SLC8A3: variants seen among roughly 807,000 people sequenced by gnomAD.
SLC8A3 encodes solute carrier family 8 member A3, also known as sodium/calcium exchanger 3.
Under a neutral mutation model 65.4 loss-of-function variants are expected in SLC8A3, and 37 were observed. That is an observed-to-expected ratio of 0.57 (90% CI 0.44 to 0.74). The LOEUF (loss-of-function observed/expected upper bound fraction) is 0.74, where lower values mean the gene tolerates loss of function less well. SLC8A3 is among the 30% of genes least tolerant of loss of function. The probability of loss-of-function intolerance (pLI) is 0.00; values close to 1 mark genes in which losing one functional copy is unlikely to be tolerated. For synonymous variants in SLC8A3, 461 were observed against 444.5 expected, an observed-to-expected ratio of 1.04 and a Z score of -0.47; for missense variants, 1,112 against 1,172.1, an observed-to-expected ratio of 0.95 and a Z score of 0.75.
intron 3 of SLC8A3, among the ~76,000 whole-genome samples, chr14:70,053,209 T>C (rs1213461875): frequency 6.6e-6 from 1 of 152,232 alleles, no homozygotes; most frequent in Non-Finnish European, 1.5e-5. Context: ...CTTCCTCTAG[T>C]GCTGGTGGCC....
chr14:70,102,161 G>T (rs1276833091), intron 2 of SLC8A3, among the ~76,000 whole-genome samples: 1 of 152,196 alleles, frequency 6.6e-6, no homozygotes, highest in African/African-American at 2.4e-5. Context: ...GTCAAGAAAT[G>T]TTGCAGTTCC....
chr14:70,100,761 C>T (rs528145391), intron 2 of SLC8A3, among the ~76,000 whole-genome samples: 45 of 152,008 alleles, frequency 3.0e-4, no homozygotes, highest in Non-Finnish European at 6.2e-4. Context: ...TAGAAAGAAC[C>T]CAAGAGAATG....
At chr14:70,145,600 C>T (rs1448134377) in intron 2 of SLC8A3, among the ~76,000 whole-genome samples, 2 of 152,186 alleles carry the variant, frequency 1.3e-5, no homozygotes, top group East Asian at 3.8e-4. Context: ...GGGGATTCCC[C>T]TTAGATGATA....
At position 70,168,353 on chromosome 14, in the gene SLC8A3, A is replaced by G. The variant is rs1594797254; in HGVS notation, c.70T>C (p.Phe24Leu). ...GCCTCTGCTCGAAGACCATTCAGGA[A>G]GAGCACAAAGGTAACCAGCCCAAAA... ...LHFGLVTFVL[F>L]LNGLRAEAGG... Residue 24 changes from phenylalanine (F) to leucine (L), a missense_variant, in exon 2 of 7, where the codon TTC (phenylalanine) becomes CTC (leucine). Phe to Leu is a conservative substitution (Grantham distance 22, BLOSUM62 0). Transcript: ENST00000356921. 6.2e-7 allele frequency: 1 copy of G among 1,614,058 alleles called. No individual in the cohort carries two copies. The highest frequency in any genetic ancestry group is 1.3e-5 in the African/African-American group (1 of 74,930).
At chr14:70,075,157 G>T (rs1890377684) in intron 2 of SLC8A3, among the ~76,000 whole-genome samples, 1 of 152,078 alleles carries the variant, frequency 6.6e-6, no homozygotes, top group Non-Finnish European at 1.5e-5. Context: ...GTGTGTGCGT[G>T]CGTGTGTGCG....
At chr14:70,079,077 CT>C (rs1890800181) in intron 2 of SLC8A3, among the ~76,000 whole-genome samples, 1 of 152,052 alleles carries the variant, frequency 6.6e-6, no homozygotes, top group African/African-American at 2.4e-5. Context: ...TAATTGTTTC[CT>C]TATTTGTCTT....
intron 2 of SLC8A3, among the ~76,000 whole-genome samples, chr14:70,153,982 C>T (rs1896427967): frequency 6.6e-6 from 1 of 152,224 alleles, no homozygotes. Flanking sequence ...AACAAGAATC[C>T]TCTGCAGACC....
At chr14:70,157,484 C>G (rs1416911549) in intron 2 of SLC8A3, among the ~76,000 whole-genome samples, 1 of 152,156 alleles carries the variant, frequency 6.6e-6, no homozygotes, top group African/African-American at 2.4e-5. Flanking sequence ...CAGATTTCTT[C>G]TCTTGAAAAT....
At chr14:70,052,421 G>A (rs1887616359) in intron 3 of SLC8A3, among the ~76,000 whole-genome samples, 1 of 152,192 alleles carries the variant, frequency 6.6e-6, no homozygotes, top group South Asian at 2.1e-4. Context: ...GAGATGTTGG[G>A]GAACTGGGAA....
At chr14:70,084,057 C>T (rs895612324) in intron 2 of SLC8A3, among the ~76,000 whole-genome samples, 3 of 152,192 alleles carry the variant, frequency 2.0e-5, no homozygotes, top group African/African-American at 7.2e-5. Flanking sequence ...CCTCTATATT[C>T]TCATCTATAA....
intron 2 of SLC8A3, among the ~76,000 whole-genome samples, chr14:70,116,256 CA>C (rs1893650667): frequency 6.6e-6 from 1 of 151,774 alleles, no homozygotes; most frequent in Non-Finnish European, 1.5e-5. Context: ...TCTGAGAGGC[CA>C]GGGGTGGAAC....
At chr14:70,140,362 C>T (rs962352206) in intron 2 of SLC8A3, among the ~76,000 whole-genome samples, 1 of 152,176 alleles carries the variant, frequency 6.6e-6, no homozygotes, top group Admixed American at 6.5e-5. Context: ...ATACAACCTT[C>T]ATTGAACAGA....
chr14:70,044,829 AG>A lies in SLC8A3; in HGVS notation c.*1117del, dbSNP rs1886578622. On this transcript the variant is annotated 3_prime_UTR_variant, in exon 7 of 7. Transcript: ENST00000356921. Reference sequence around the variant, plus strand: ...GCCCTCTTTGTATAGAGCATTAGGAAGCAAGAGCGTGGTGAAGCTGACATTT... The same window carrying A: ...GCCCTCTTTGTATAGAGCATTAGGAACAAGAGCGTGGTGAAGCTGACATTT... 2.0e-5 allele frequency: 3 copies of A among 152,244 alleles called. No individual in the cohort carries two copies. The South Asian group carries it at 6.2e-4, about 32-fold the overall frequency. The allele number at this position is 152,244 out of a possible 1,614,324, so 9.4% of individuals were successfully genotyped here. A position where few individuals can be genotyped will look rare whatever the true frequency, so the allele number is the denominator to read the frequency against.
intron 2 of SLC8A3, among the ~76,000 whole-genome samples, chr14:70,118,351 T>C (rs1431004905): frequency 6.6e-6 from 1 of 152,206 alleles, no homozygotes; most frequent in Non-Finnish European, 1.5e-5. Flanking sequence ...CCTTGCGTTC[T>C]TTTCTTATTC....
At chr14:70,111,505 ATTT>A (rs1893302201) in intron 2 of SLC8A3, among the ~76,000 whole-genome samples, 1 of 152,234 alleles carries the variant, frequency 6.6e-6, no homozygotes, top group Non-Finnish European at 1.5e-5. Flanking sequence ...AACTATTATT[ATTT>A]GTTATCATAA....
chr14:70,083,463 T>C (rs1891206627), intron 2 of SLC8A3, among the ~76,000 whole-genome samples: 1 of 152,156 alleles, frequency 6.6e-6, no homozygotes, highest in South Asian at 2.1e-4. Context: ...ACGTCTTAAG[T>C]TTTGGAGGAA....
At chr14:70,164,675 A>T (rs1006168142) in intron 2 of SLC8A3, among the ~76,000 whole-genome samples, 1 of 152,254 alleles carries the variant, frequency 6.6e-6, no homozygotes, top group African/African-American at 2.4e-5. Context: ...GATCTCTGAA[A>T]AACTACCTAT....
At chr14:70,122,608 G>T (rs935240172) in intron 2 of SLC8A3, among the ~76,000 whole-genome samples, 1 of 152,166 alleles carries the variant, frequency 6.6e-6, no homozygotes, top group African/African-American at 2.4e-5. Flanking sequence ...TGCATGGATG[G>T]CGCTTAGCCA....
intron 2 of SLC8A3, among the ~76,000 whole-genome samples, chr14:70,076,094 A>T (rs955956693): frequency 1.4e-4 from 21 of 152,124 alleles, no homozygotes; most frequent in African/African-American, 5.1e-4. Flanking sequence ...CGGCCTGGTC[A>T]TGCCTGCCTT....
Sources: gnomAD v4.1 joint callset for allele counts (sites outside exome capture counted in the v4.1 genomes callset) on GRCh38, gnomAD v4.1.1 for gene constraint, MANE v1.5 for transcripts, NCBI Gene and HGNC (gene_info 2026-07-23, HGNC 2026-07-21) for gene names.